Variants in GPM6A observed in about 807,000 individuals in gnomAD.
GPM6A encodes neuronal membrane glycoprotein M6-a.
GPM6A carries 7 observed loss-of-function variants against 32.1 expected under a neutral mutation model. That is an observed-to-expected ratio of 0.22 (90% CI 0.12 to 0.41). The LOEUF is 0.41. GPM6A is among the 10% of genes least tolerant of loss of function. GPM6A has a pLI of 1.00. For missense variants in GPM6A, 235 were observed against 347.2 expected (o/e 0.68, Z 2.57); for synonymous variants, 130 against 123.4 (o/e 1.05, Z -0.35).
chr4:175,771,607 C>T (rs544470074), intron 1 of GPM6A, among the ~76,000 whole-genome samples: 33 of 146,614 alleles, frequency 2.3e-4, no homozygotes, highest in Non-Finnish European at 4.1e-4. Flanking sequence ...GTTTAGAAGA[C>T]GTAAAACAGA....
At chr4:175,734,060 A>G (rs1435816554) in intron 1 of GPM6A, among the ~76,000 whole-genome samples, 1 of 151,894 alleles carries the variant, frequency 6.6e-6, no homozygotes, top group East Asian at 1.9e-4. Context: ...CTTGAAAAAT[A>G]AAAGTGCATT....
intron 1 of GPM6A, among the ~76,000 whole-genome samples, chr4:175,876,517 T>A (rs776847654): frequency 6.6e-6 from 1 of 152,212 alleles, no homozygotes; most frequent in Non-Finnish European, 1.5e-5. Flanking sequence ...TTGGAGGAGA[T>A]ACATTTCTTT....
intron 1 of GPM6A, among the ~76,000 whole-genome samples, chr4:175,832,130 C>CTTTG (rs34132004): frequency 0.97 from 146,997 of 152,064 alleles, 71,255 homozygotes; most frequent in East Asian, 1. Flanking sequence ...CTCCCTGGCT[C>CTTTG]TTTGGTTCTT....
intron 6 of GPM6A, among the ~76,000 whole-genome samples, chr4:175,636,316 A>AATAAGGCTT (rs1158336558): frequency 1.4e-5 from 2 of 141,276 alleles, no homozygotes; most frequent in Non-Finnish European, 3.1e-5. Flanking sequence ...ATATGGATTA[A>AATAAGGCTT]ATAAGGCTTA....
At chr4:175,833,860 T>C (rs899683958) in intron 1 of GPM6A, among the ~76,000 whole-genome samples, 4 of 151,850 alleles carry the variant, frequency 2.6e-5, no homozygotes, top group Non-Finnish European at 4.4e-5. Context: ...AGAGAGAAAA[T>C]CAGTCTGATA....
At chr4:175,723,418 T>C (rs1306474365) in intron 1 of GPM6A, among the ~76,000 whole-genome samples, 4 of 152,196 alleles carry the variant, frequency 2.6e-5, no homozygotes, top group Non-Finnish European at 5.9e-5. Context: ...CCATTTATTT[T>C]ATTTTTATTT....
intron 2 of GPM6A, among the ~76,000 whole-genome samples, chr4:175,689,817 C>T (rs1011503450): frequency 2.0e-5 from 3 of 152,126 alleles, no homozygotes; most frequent in Admixed American, 6.5e-5. Context: ...TCTCAGAAGC[C>T]GCCAGGTATC....
chr4:175,749,104 T>C (rs1444768140), intron 1 of GPM6A, among the ~76,000 whole-genome samples: 4 of 152,146 alleles, frequency 2.6e-5, no homozygotes, highest in Non-Finnish European at 5.9e-5. Context: ...TGAGAACACA[T>C]ACAACTTTTA....
chr4:175,845,079 A>T (rs1736048187), intron 1 of GPM6A, among the ~76,000 whole-genome samples: 1 of 152,030 alleles, frequency 6.6e-6, no homozygotes. Context: ...CATTTTCTTG[A>T]CTTACTGCTT....
intron 1 of GPM6A, among the ~76,000 whole-genome samples, chr4:175,809,650 CCT>C (rs947695217): frequency 1.3e-5 from 2 of 152,020 alleles, no homozygotes; most frequent in African/African-American, 4.8e-5. Flanking sequence ...GTTAAATTAT[CCT>C]CTCTCTCTGA....
At chr4:175,882,297 T>C (rs1198382621) in intron 1 of GPM6A, among the ~76,000 whole-genome samples, 1 of 152,048 alleles carries the variant, frequency 6.6e-6, no homozygotes, top group Admixed American at 6.6e-5. Flanking sequence ...AAATATTTAA[T>C]GGTAGCTGAC....
chr4:175,910,509 C>A (rs1484612387), intron 1 of GPM6A, among the ~76,000 whole-genome samples: 1 of 152,138 alleles, frequency 6.6e-6, no homozygotes, highest in African/African-American at 2.4e-5. Flanking sequence ...AGGGGCCCAA[C>A]AAGCACTGTT....
At chr4:175,934,078 A>G (rs1448558479) in intron 1 of GPM6A, among the ~76,000 whole-genome samples, 1 of 152,224 alleles carries the variant, frequency 6.6e-6, no homozygotes, top group Non-Finnish European at 1.5e-5. Flanking sequence ...GGCAAAACCA[A>G]TCTGTAGTTG....
intron 1 of GPM6A, among the ~76,000 whole-genome samples, chr4:175,948,954 GGTAA>G (rs1251043555): frequency 2.7e-4 from 26 of 96,256 alleles, no homozygotes; most frequent in Non-Finnish European, 4.4e-4. Flanking sequence ...TGCATTTGGT[GGTAA>G]GTGTGTGTGT....
chr4:175,657,172 C>G (rs1742127654), intron 3 of GPM6A, among the ~76,000 whole-genome samples: 1 of 152,170 alleles, frequency 6.6e-6, no homozygotes, highest in Admixed American at 6.6e-5. Flanking sequence ...GAGTAGCAAT[C>G]TAATCATGTT....
intron 1 of GPM6A, among the ~76,000 whole-genome samples, chr4:175,838,110 C>CAG (rs879400048): frequency 1.6e-5 from 1 of 63,390 alleles, no homozygotes; most frequent in South Asian, 6.9e-4. Flanking sequence ...CACACACACA[C>CAG]AGACACACAC....
chr4:175,808,739 G>C (rs1203744098), intron 1 of GPM6A: 1 of 152,106 alleles, frequency 6.6e-6, no homozygotes, highest in Non-Finnish European at 1.5e-5. Flanking sequence ...ATAAGCTGCT[G>C]GTTTATTACA....
intron 1 of GPM6A, among the ~76,000 whole-genome samples, chr4:175,892,039 G>A (rs1486879833): frequency 6.6e-6 from 1 of 152,048 alleles, no homozygotes; most frequent in Non-Finnish European, 1.5e-5. Context: ...AAAATCAGAG[G>A]GCTTGTTTGG....
chr4:175,803,204 TCAG>T (rs1414198706), intron 1 of GPM6A, among the ~76,000 whole-genome samples: 2 of 141,292 alleles, frequency 1.4e-5, no homozygotes, highest in Middle Eastern at 4.0e-3. Flanking sequence ...ATCATCATCA[TCAG>T]CTATGAATGG....
Sources: allele counts gnomAD v4.1 joint callset (sites outside exome capture counted in the v4.1 genomes callset), GRCh38; gene constraint gnomAD v4.1.1; transcripts MANE v1.5; gene names NCBI Gene and HGNC (gene_info 2026-07-23, HGNC 2026-07-21).